PACRG: variants seen among roughly 807,000 people sequenced by gnomAD.
The protein encoded by PACRG is parkin coregulated gene protein.
In PACRG, 29 loss-of-function variants were observed where a neutral mutation model predicts 29.7. That is an observed-to-expected ratio of 0.98 (90% CI 0.73 to 1.33). PACRG has a LOEUF of 1.33. Ranked by LOEUF, PACRG falls within the 40% of genes most tolerant of loss-of-function variation. The pLI, the probability that PACRG is intolerant of heterozygous loss-of-function variation, is 0.00. For synonymous variants in PACRG, 116 were observed against 118.7 expected, an observed-to-expected ratio of 0.98 and a Z score of 0.15; for missense variants, 279 against 316.2, an observed-to-expected ratio of 0.88 and a Z score of 0.89.
intron 1 of PACRG, among the ~76,000 whole-genome samples, chr6:162,806,163 C>T (rs1786306158): frequency 6.6e-6 from 1 of 150,864 alleles, no homozygotes; most frequent in Non-Finnish European, 1.5e-5. Context: ...GGCTGGAGTG[C>T]AATAGCACAA....
At chr6:163,212,451 T>A (rs1329752591) in intron 4 of PACRG, among the ~76,000 whole-genome samples, 1 of 151,940 alleles carries the variant, frequency 6.6e-6, no homozygotes, top group Non-Finnish European at 1.5e-5. Context: ...GCAGGAAAAG[T>A]CCAAGAATGA....
intron 4 of PACRG, among the ~76,000 whole-genome samples, chr6:163,177,481 T>C (rs1779421862): frequency 6.6e-6 from 1 of 151,680 alleles, no homozygotes; most frequent in Non-Finnish European, 1.5e-5. Flanking sequence ...TGAGTGACAA[T>C]GTGGAGAGCT....
intron 1 of PACRG, among the ~76,000 whole-genome samples, chr6:162,785,168 CAGAG>C (rs71008111): frequency 0.23 from 31,547 of 137,732 alleles, 3,888 homozygotes; most frequent in Admixed American, 0.34. Context: ...ATGAGGGAGG[CAGAG>C]AGAGAGAGAG....
intron 2 of PACRG, among the ~76,000 whole-genome samples, chr6:162,879,927 T>G (rs1170149952): frequency 2.6e-5 from 4 of 152,212 alleles, no homozygotes; most frequent in African/African-American, 9.6e-5. Flanking sequence ...TCTGTGAGAA[T>G]GTGTGAGGGG....
At chr6:163,217,781 G>C (rs1781420593) in intron 4 of PACRG, among the ~76,000 whole-genome samples, 1 of 152,030 alleles carries the variant, frequency 6.6e-6, no homozygotes, top group Admixed American at 6.6e-5. Context: ...TGTGCACCTT[G>C]TGAGAATCTA....
intron 4 of PACRG, among the ~76,000 whole-genome samples, chr6:163,245,966 A>G (rs866143442): frequency 6.6e-6 from 1 of 152,112 alleles, no homozygotes; most frequent in African/African-American, 2.4e-5. Flanking sequence ...CATGGTCTTC[A>G]TGAATCTGCT....
chr6:163,168,763 C>A (rs1207539963), intron 4 of PACRG, among the ~76,000 whole-genome samples: 1 of 152,216 alleles, frequency 6.6e-6, no homozygotes. Context: ...CTCCAATCAT[C>A]TACACTGAAT....
chr6:162,839,039 G>T (rs1413543229), intron 2 of PACRG, among the ~76,000 whole-genome samples: 13 of 131,924 alleles, frequency 9.9e-5, no homozygotes. Context: ...TGTGAATAAT[G>T]CTGCAATAAA....
intron 4 of PACRG, among the ~76,000 whole-genome samples, chr6:163,246,618 C>T (rs899087671): frequency 6.6e-6 from 1 of 152,192 alleles, no homozygotes; most frequent in African/African-American, 2.4e-5. Flanking sequence ...GTGTCAGCTG[C>T]CTCTTGCCCA....
At chr6:162,876,573 A>G (rs947050294) in intron 2 of PACRG, among the ~76,000 whole-genome samples, 4 of 152,106 alleles carry the variant, frequency 2.6e-5, no homozygotes, top group African/African-American at 9.7e-5. Context: ...TTCTTCTTGT[A>G]AATTTGTTTA....
chr6:163,265,049 C>T (rs1173957932), intron 4 of PACRG, among the ~76,000 whole-genome samples: 2 of 152,186 alleles, frequency 1.3e-5, no homozygotes, highest in African/African-American at 4.8e-5. Flanking sequence ...AGGACTAGTA[C>T]TCTATCTTAT....
At chr6:162,972,744 T>C (rs1801637399) in intron 2 of PACRG, among the ~76,000 whole-genome samples, 1 of 152,204 alleles carries the variant, frequency 6.6e-6, no homozygotes, top group African/African-American at 2.4e-5. Flanking sequence ...CAATGGATTT[T>C]AGACTGTGAT....
intron 4 of PACRG, among the ~76,000 whole-genome samples, chr6:163,308,199 T>C (rs1785262555): frequency 6.6e-6 from 1 of 152,264 alleles, no homozygotes; most frequent in Non-Finnish European, 1.5e-5. Context: ...TATGAGTTAT[T>C]GTTAATGACT....
rs1205244583 is a variant in PACRG, at chr6:163,219,573, C to G, written c.614-95254C>G. Among the ~76,000 whole-genome samples the G allele has an allele frequency of 5.3e-5, 8 of 152,216 alleles. No individual in the cohort carries two copies. The East Asian group carries it at 1.2e-3, about 22-fold the overall frequency. On this transcript the variant is annotated intron_variant, in intron 4 of 4. Transcript: ENST00000366888. ...TACCTCCCAATGGTTTCTCATTGAG[C>G]TGAGAGTAAAATCCTCCTCCCCACT...
Position 163,030,313 on chromosome 6 carries a change from G to A in PACRG, c.292-31837G>A, listed in dbSNP as rs995806832. Among the ~76,000 whole-genome samples, 3 of 152,134 alleles carry A rather than the reference G, an allele frequency of 2.0e-5. No individual in the cohort carries two copies. The East Asian group carries it at 5.8e-4, about 29-fold the overall frequency. On this transcript the variant is annotated intron_variant, in intron 2 of 4. Coordinates refer to ENST00000366888, the MANE Select transcript of PACRG (RefSeq NM_001080379.2). ...TGCATACCTTTTTATATGAGAAATA[G>A]ATTTCTCTAGATATATAGAATTAGC...
chr6:163,180,520 G>A (rs561403470), intron 4 of PACRG, among the ~76,000 whole-genome samples: 3 of 152,216 alleles, frequency 2.0e-5, no homozygotes, highest in Non-Finnish European at 4.4e-5. Flanking sequence ...CCAGCACTTC[G>A]GGAGGCTGAG....
chr6:162,979,410 T>C (rs1355273883), intron 2 of PACRG, among the ~76,000 whole-genome samples: 4 of 152,210 alleles, frequency 2.6e-5, no homozygotes, highest in African/African-American at 7.2e-5. Flanking sequence ...TCATTTATAT[T>C]CTGGATATTA....
At chr6:162,790,718 T>C (rs930342473) in intron 1 of PACRG, among the ~76,000 whole-genome samples, 3 of 152,170 alleles carry the variant, frequency 2.0e-5, no homozygotes, top group African/African-American at 4.8e-5. Flanking sequence ...GCTGAAGATA[T>C]AAATTTCTTT....
chr6:163,242,928 G>A (rs576477264), intron 4 of PACRG, among the ~76,000 whole-genome samples: 1 of 152,352 alleles, frequency 6.6e-6, no homozygotes, highest in East Asian at 1.9e-4. Flanking sequence ...GCAAAATGCA[G>A]TTGAAATGAA....
Sources: allele counts gnomAD v4.1 joint callset (sites outside exome capture counted in the v4.1 genomes callset), GRCh38; gene constraint gnomAD v4.1.1; transcripts MANE v1.5; gene names NCBI Gene and HGNC (gene_info 2026-07-23, HGNC 2026-07-21).